The following LRP5 variants were observed in gnomAD, a reference collection of about 807,000 sequenced individuals.
LRP5 encodes the protein low-density lipoprotein receptor-related protein 5.
A neutral mutation model predicts 154.1 loss-of-function variants in LRP5; 62 were observed. That is an observed-to-expected ratio of 0.40 (90% CI 0.33 to 0.50). LRP5 has a LOEUF of 0.50. LRP5 is among the 20% of genes least tolerant of loss of function. LRP5 has a pLI of 0.55. For synonymous variants in LRP5, 966 were observed against 1,011.5 expected, an observed-to-expected ratio of 0.96 and a Z score of 0.85; for missense variants, 1,915 against 2,336.7, an observed-to-expected ratio of 0.82 and a Z score of 3.72.
At chr11:68,360,489 A>G (rs2098626915) in intron 3 of LRP5, among the ~76,000 whole-genome samples, 1 of 152,222 alleles carries the variant, frequency 6.6e-6, no homozygotes, top group East Asian at 1.9e-4. Context: ...TGCAGCGGCC[A>G]TCGCTCTTCA....
In LRP5 at chr11:68,386,309, T is replaced by C; in HGVS notation, c.1016-7T>C. 1 of 1,610,790 alleles carries C rather than the reference T, an allele frequency of 6.2e-7. No homozygotes were observed. Among genetic ancestry groups the C allele is most frequent in the Non-Finnish European group, 8.5e-7 (1 of 1,179,964 alleles). ...GACCCCTGACCCCATTGCACCTGTC[T>C]CCACAGGAGCCGAGGAGGTGCTGCT... is the stretch of plus-strand genomic sequence containing the variant. On this transcript the variant is annotated splice_region_variant and splice_polypyrimidine_tract_variant and intron_variant, in intron 5 of 22. Transcript: ENST00000294304. This position sits in a 1 kb window ranked among gnomAD's most constrained non-coding sequence, Gnocchi z 7.9.
rs974320602 is a variant in LRP5 at position 68,413,700 on chromosome 11, G to A, written c.2515G>A (p.Val839Ile). 8.1e-6 allele frequency: 13 copies of A among 1,613,656 alleles called. No individual in the cohort carries two copies. The highest frequency in any genetic ancestry group is 5.3e-5 in the African/African-American group (4 of 74,932). Residue 839 changes from valine to isoleucine, a missense_variant, in exon 12 of 23, where the codon GTC becomes ATC. This residue lies in a region of LRP5 where 1,094 missense variants were observed against 1,210.1 expected (regional missense o/e 0.90). Coordinates refer to ENST00000294304, the MANE Select transcript of LRP5 (RefSeq NM_002335.4). This position sits in a 1 kb window ranked among gnomAD's most constrained non-coding sequence, Gnocchi z 5.1. ...ESSNMLGQER[V>I]VIADDLPHPF... ...GTGTGTTCATGCAGGTCAGGAGCGGGTCGTGATTGCCGACGATCTCCCGCA... is the reference window on the plus strand; with the variant it reads ...GTGTGTTCATGCAGGTCAGGAGCGGATCGTGATTGCCGACGATCTCCCGCA...
chr11:68,438,397 A>G (rs2098676196), intron 19 of LRP5, 49 bp from the exon 20 acceptor site: 2 of 1,543,610 alleles, frequency 1.3e-6, no homozygotes, highest in East Asian at 2.2e-5. Context: ...AGGAGGGCCC[A>G]TTCCGTTGGG....
At chr11:68,362,285 G>A (rs1328082191) in intron 3 of LRP5, among the ~76,000 whole-genome samples, 2 of 152,214 alleles carry the variant, frequency 1.3e-5, no homozygotes, top group African/African-American at 4.8e-5. Flanking sequence ...GACTGCTGCC[G>A]GGTGTGGGGT....
intron 1 of LRP5, 31 bp from the exon 2 acceptor site, chr11:68,347,816 G>A (rs1453348232): frequency 3.7e-6 from 6 of 1,611,824 alleles, no homozygotes; most frequent in Non-Finnish European, 5.1e-6. Flanking sequence ...GGCTTAGCCA[G>A]TGGCCCTCAC....
Position 68,406,603 on chromosome 11 carries a change from C to T in LRP5, c.1881C>T (p.Cys627=), listed in dbSNP as rs773747650. 12 of 1,613,970 alleles carry T rather than the reference C, an allele frequency of 7.4e-6. No individual in the cohort carries two copies. The highest frequency in any genetic ancestry group is 1.6e-4 in the Middle Eastern group (1 of 6,082). The change falls in exon 9 of 23, where the codon TGC becomes TGT. Residue 627 remains cysteine (C), a synonymous_variant. Transcript: ENST00000294304. ...FFTPHATRCG[C]PIGLELLSDM... ...CACCCCACGCAACCCGGTGTGGCTG[C>T]CCCATCGGCCTGGAGCTGCTGAGTG...
intron 21 of LRP5, among the ~76,000 whole-genome samples, chr11:68,443,574 TATATATA>T (rs1303166596): frequency 4.4e-4 from 18 of 41,376 alleles, no homozygotes; most frequent in African/African-American, 1.4e-3. Flanking sequence ...TATATATATA[TATATATA>T]TATATTTTTT....
chr11:68,406,472 T>C, intron 8 of LRP5, 52 bp from the exon 9 acceptor site: 2 of 1,595,822 alleles, frequency 1.3e-6, no homozygotes, highest in Non-Finnish European at 1.7e-6. Context: ...CCGCACCCCT[T>C]TCCCTGCTGG....
intron 5 of LRP5, among the ~76,000 whole-genome samples, chr11:68,368,030 A>G (rs1443761097): frequency 6.8e-6 from 1 of 146,596 alleles, no homozygotes; most frequent in Non-Finnish European, 1.5e-5. Flanking sequence ...ATGCCGCTAT[A>G]CTCCAGCCTG....
rs143051644 is a variant in LRP5 at position 68,376,483 on chromosome 11, C to T, written c.1016-9833C>T. ...ACAGGCATGAGCCACCATGCCTGGC[C>T]GGCCCTACTTCTTAAATGGGCCTGA... is the stretch of plus-strand genomic sequence containing the variant. On this transcript the variant is annotated intron_variant, in intron 5 of 22. Coordinates refer to ENST00000294304, the MANE Select transcript of LRP5 (RefSeq NM_002335.4). Among the ~76,000 whole-genome samples the T allele has an allele frequency of 3.1e-3, 473 of 152,294 alleles. 1 individual carries two copies. The highest frequency in any genetic ancestry group is 4.8e-3 in the Non-Finnish European group (328 of 68,028).
At chr11:68,306,657 G>C in the LRP5 span, among the ~76,000 whole-genome samples, 1 of 152,210 alleles carries the variant, frequency 6.6e-6, no homozygotes, top group African/African-American at 2.4e-5. Flanking sequence ...ACTTATAAAT[G>C]AGAATGAAGC....
intron 3 of LRP5, among the ~76,000 whole-genome samples, chr11:68,362,182 A>G (rs780013025): frequency 5.9e-5 from 9 of 152,162 alleles, no homozygotes; most frequent in Admixed American, 1.3e-4. Context: ...CAGAGGCTGT[A>G]TATTGTGATT....
In LRP5 at chr11:68,389,956, G is replaced by A. The variant is rs1199173084; in HGVS notation, c.1488G>A (p.Val496=). The change falls in exon 7 of 23, where the codon GTG becomes GTA. Residue 496 remains valine, a synonymous_variant. Transcript: ENST00000294304. ...ACTTGGATGGGCAGGAGCGGCGTGTGCTGGTCAATGCCTCCCTCGGGTGGC... is the reference window on the plus strand; with the variant it reads ...ACTTGGATGGGCAGGAGCGGCGTGTACTGGTCAATGCCTCCCTCGGGTGGC... ...CANLDGQERR[V]LVNASLGWPN... is the part of the protein sequence containing the mutation. 2 of 1,614,162 alleles carry A rather than the reference G, an allele frequency of 1.2e-6. No homozygotes were observed. Among genetic ancestry groups the A allele is most frequent in the East Asian group, 2.2e-5 (1 of 44,878 alleles).
At chr11:68,305,316 G>A in the LRP5 span, among the ~76,000 whole-genome samples, 2 of 151,808 alleles carry the variant, frequency 1.3e-5, no homozygotes, top group Admixed American at 1.3e-4. Context: ...TGCCTTCCAC[G>A]ATGAGTAAAA....
At chr11:68,372,104 G>T (rs114718810) in intron 5 of LRP5, among the ~76,000 whole-genome samples, 1,890 of 152,344 alleles carry the variant, frequency 0.012, 30 homozygotes, top group African/African-American at 0.043. Context: ...GGGAGGCATT[G>T]TGAGTGATGT....
intron 12 of LRP5, among the ~76,000 whole-genome samples, chr11:68,414,819 G>T (rs1334897941): frequency 2.6e-5 from 4 of 152,232 alleles, no homozygotes; most frequent in African/African-American, 4.8e-5. Flanking sequence ...GGCTTGCAAA[G>T]GTTAAGGGGC....
At chr11:68,331,094 A>G (rs969989177) in intron 1 of LRP5, among the ~76,000 whole-genome samples, 1 of 152,230 alleles carries the variant, frequency 6.6e-6, no homozygotes, top group African/African-American at 2.4e-5. Context: ...TCCTCACCGC[A>G]GGACTTCTCA....
At chr11:68,398,582 C>T (rs1007473344) in intron 7 of LRP5, among the ~76,000 whole-genome samples, 1 of 151,878 alleles carries the variant, frequency 6.6e-6, no homozygotes, top group African/African-American at 2.4e-5. Flanking sequence ...CGGGCCAGAT[C>T]CAGCCCTGCC....
At chr11:68,361,738 A>T (rs1226230662) in intron 3 of LRP5, among the ~76,000 whole-genome samples, 1 of 151,656 alleles carries the variant, frequency 6.6e-6, no homozygotes, top group African/African-American at 2.4e-5. Context: ...AGGAGGATGG[A>T]TTGAGCTTAG....
Sources: gnomAD v4.1 joint callset for allele counts (sites outside exome capture counted in the v4.1 genomes callset) on GRCh38, gnomAD v4.1.1 for gene constraint, gnomAD v4.1.1 regional missense constraint, Gnocchi (gnomAD v3.1) non-coding constraint, MANE v1.5 for transcripts, NCBI Gene and HGNC (gene_info 2026-07-23, HGNC 2026-07-21) for gene names.